Variants in CASC3 observed in about 807,000 individuals in gnomAD.
The protein encoded by CASC3 is CASC3 exon junction complex subunit, also known as protein CASC3.
A neutral mutation model predicts 80.5 loss-of-function variants in CASC3; 30 were observed. The ratio of observed to expected loss-of-function variants is 0.37; its 90% CI spans 0.28 to 0.51. CASC3 has a LOEUF of 0.51. Among genes scored for constraint, CASC3 ranks in the 20% least tolerant of loss-of-function variants. The pLI, the probability that CASC3 is intolerant of heterozygous loss-of-function variation, is 0.94. For missense variants in CASC3, 824 were observed against 922.2 expected, an observed-to-expected ratio of 0.89 and a Z score of 1.38; for synonymous variants, 312 against 333.6, an observed-to-expected ratio of 0.94 and a Z score of 0.70.
Position 40,169,316 on chromosome 17 carries a change from G to A in CASC3, c.1966-8G>A. On this transcript the variant is annotated splice_region_variant and splice_polypyrimidine_tract_variant and intron_variant, in intron 11 of 13. Coordinates refer to ENST00000264645, the MANE Select transcript of CASC3 (RefSeq NM_007359.5). Reference sequence around the variant, plus strand: ...AACTTTTTCTTCTCCTGGCTTGTGGGGTCCCAGGCCCCATCACAGGTATAT... The same window carrying A: ...AACTTTTTCTTCTCCTGGCTTGTGGAGTCCCAGGCCCCATCACAGGTATAT... 1 of 1,541,260 alleles carries A rather than the reference G, an allele frequency of 6.5e-7. No individual in the cohort carries two copies. Among genetic ancestry groups the A allele is most frequent in the Non-Finnish European group, 8.7e-7 (1 of 1,145,738 alleles).
chr17:40,141,397 C>T (rs1167609647), intron 2 of CASC3, 163 bp downstream of exon 2: 2 of 838,826 alleles, frequency 2.4e-6, no homozygotes, highest in Non-Finnish European at 3.9e-6. Context: ...GCAGTATAGT[C>T]TTCAGCAAGT....
rs114034875 is a variant in CASC3 at position 40,141,948 on chromosome 17, G to A, written c.297+341G>A. Among the ~76,000 whole-genome samples, 965 of 152,244 alleles carry A rather than the reference G, an allele frequency of 6.3e-3. 14 individuals carry two copies. The highest frequency in any genetic ancestry group is 0.022 in the African/African-American group (923 of 41,504). ...TGTAGGTTGAGAAGCCAGCCAATTG[G>A]TTATTTTTTTCCAAATCTATCTGAA... On this transcript the variant is annotated intron_variant, in intron 3 of 13. Coordinates refer to ENST00000264645, the MANE Select transcript of CASC3 (RefSeq NM_007359.5).
intron 3 of CASC3, among the ~76,000 whole-genome samples, chr17:40,159,609 A>G (rs1320317296): frequency 6.8e-6 from 1 of 147,828 alleles, no homozygotes; most frequent in East Asian, 2.0e-4. Context: ...GCAGTGGCAC[A>G]ATTATGGCTC....
At chr17:40,157,573 G>T (rs951337564) in intron 3 of CASC3, among the ~76,000 whole-genome samples, 1 of 152,040 alleles carries the variant, frequency 6.6e-6, no homozygotes. Flanking sequence ...TACTCAGGAG[G>T]CTGAGGCATA....
At chr17:40,169,741 G>GTTTTTTT (rs1989546815) in intron 13 of CASC3, 79 bp downstream of exon 13, 1 of 109,416 alleles carries the variant, frequency 9.1e-6, no homozygotes, top group African/African-American at 5.0e-5. Context: ...CTTAATTAAT[G>GTTTTTTT]CTTTTTTTTT....
Position 40,140,559 on chromosome 17 carries a change from G to A in CASC3, c.11G>A (p.Arg4Gln), listed in dbSNP as rs775311641. ...GCCGTTCTCCGTAAGATGGCGGACC[G>A]GCGGCGGCAGCGCGCTTCGCAAGAC... is the stretch of plus-strand genomic sequence containing the variant. Reference protein sequence around the residue: MADRRRQRASQDTE... With the variant: MADQRRQRASQDTE... Residue 4 changes from arginine to glutamine, a missense_variant, in exon 1 of 14, where the codon CGG (arginine) becomes CAG (glutamine). Transcript: ENST00000264645. The A allele has an allele frequency of 1.2e-6, 2 of 1,607,868 alleles. No individual in the cohort carries two copies. Among genetic ancestry groups the A allele is most frequent in the Non-Finnish European group, 8.5e-7 (1 of 1,179,624 alleles).
chr17:40,144,750 C>T (rs1315997442), intron 3 of CASC3, among the ~76,000 whole-genome samples: 3 of 145,810 alleles, frequency 2.1e-5, no homozygotes, highest in African/African-American at 7.7e-5. Flanking sequence ...GGTCACAGCT[C>T]ACTGCAACCT....
intron 3 of CASC3, among the ~76,000 whole-genome samples, chr17:40,158,878 A>G (rs1487391077): frequency 6.6e-6 from 1 of 152,172 alleles, no homozygotes; most frequent in Non-Finnish European, 1.5e-5. Context: ...TAGGCATTAA[A>G]AAAAGCTACC....
At chr17:40,141,655 T>A in intron 3 of CASC3, 48 bp downstream of exon 3, 1 of 1,412,252 alleles carries the variant, frequency 7.1e-7, no homozygotes, top group Non-Finnish European at 1.0e-6. Context: ...AAATGCTTTT[T>A]AAAAACGTGT....
In CASC3 at chr17:40,170,649, G is replaced by C; in HGVS notation, c.*244G>C. ...CTCTTCACTTGAGTTGGCTGTGTTCGGGGGAGCAGAGAGAGCCAGACAGCC... is the reference window on the plus strand; with the variant it reads ...CTCTTCACTTGAGTTGGCTGTGTTCCGGGGAGCAGAGAGAGCCAGACAGCC... On this transcript the variant is annotated 3_prime_UTR_variant, in exon 14 of 14. Transcript: ENST00000264645. 1 of 985,486 alleles carries C rather than the reference G, an allele frequency of 1.0e-6. No homozygotes were observed. Among genetic ancestry groups the C allele is most frequent in the Non-Finnish European group, 1.2e-6 (1 of 829,940 alleles). The allele number at this position is 985,486 out of a possible 1,614,324, so 61.0% of individuals were successfully genotyped here. A position where few individuals can be genotyped will look rare whatever the true frequency, so the allele number is the denominator to read the frequency against.
chr17:40,149,519 G>C (rs1988944593), intron 3 of CASC3, among the ~76,000 whole-genome samples: 1 of 151,934 alleles, frequency 6.6e-6, no homozygotes, highest in Non-Finnish European at 1.5e-5. Context: ...AAAAAGTTAG[G>C]AGAGTATCAA....
chr17:40,163,567 T>C lies in CASC3; in HGVS notation c.872T>C (p.Leu291Pro). ...CGCCACCAGGGTCTTGGGGGCACCC[T>C]ACCACCAAGGACATTTATTAACAGG... The part of the protein sequence containing the change: ...SHRHQGLGGT[L>P]PPRTFINRNA... The change falls in exon 7 of 14, where the codon CTA (leucine) becomes CCA (proline). Residue 291 changes from leucine to proline, a missense_variant. Around this residue, in one of 3 missense-constraint regions of CASC3, gnomAD observed 201 missense variants for 294.1 expected, o/e 0.68. Coordinates refer to ENST00000264645, the MANE Select transcript of CASC3 (RefSeq NM_007359.5). 1 of 1,614,118 alleles carries C rather than the reference T, an allele frequency of 6.2e-7. No homozygotes were observed. Among genetic ancestry groups the C allele is most frequent in the African/African-American group, 1.3e-5 (1 of 75,028 alleles).
At chr17:40,153,946 C>T (rs1314512061) in intron 3 of CASC3, among the ~76,000 whole-genome samples, 1 of 151,946 alleles carries the variant, frequency 6.6e-6, no homozygotes, top group African/African-American at 2.4e-5. Context: ...CTGTGGCACG[C>T]GCCTGTAATC....
intron 7 of CASC3, among the ~76,000 whole-genome samples, chr17:40,164,478 T>C (rs1025649075): frequency 7.9e-5 from 12 of 151,554 alleles, no homozygotes; most frequent in Non-Finnish European, 1.2e-4. Context: ...AGATGGAGTC[T>C]TGCTCTGTTG....
intron 3 of CASC3, among the ~76,000 whole-genome samples, chr17:40,151,863 T>C (rs929614997): frequency 3.3e-5 from 5 of 152,230 alleles, no homozygotes; most frequent in African/African-American, 1.2e-4. Flanking sequence ...TCTTTCAGTA[T>C]AATGTTTTCA....
chr17:40,158,998 G>A (rs1322779741), intron 3 of CASC3, among the ~76,000 whole-genome samples: 1 of 152,172 alleles, frequency 6.6e-6, no homozygotes, highest in Admixed American at 6.6e-5. Context: ...CACTTTGGGA[G>A]GCTGAGGCAG....
chr17:40,170,670 C>G lies in CASC3; in HGVS notation c.*265C>G. ...GTTCGGGGGAGCAGAGAGAGCCAGA[C>G]AGCCCCAAGCTTCTGAGTCTAGATA... On this transcript the variant is annotated 3_prime_UTR_variant, in exon 14 of 14. Transcript: ENST00000264645. 1.0e-6 allele frequency: 1 copy of G among 985,578 alleles called. No individual in the cohort carries two copies. Among genetic ancestry groups the G allele is most frequent in the Non-Finnish European group, 1.2e-6 (1 of 829,936 alleles). 61.1% of individuals were successfully genotyped at this position (985,578 alleles called of 1,614,324 possible).
intron 3 of CASC3, among the ~76,000 whole-genome samples, chr17:40,143,903 C>T (rs889024866): frequency 1.9e-4 from 29 of 152,038 alleles, no homozygotes; most frequent in African/African-American, 6.5e-4. Flanking sequence ...ATGCTTGAGG[C>T]GATCCATACC....
intron 7 of CASC3, among the ~76,000 whole-genome samples, chr17:40,165,166 G>A (rs974720375): frequency 4.0e-5 from 6 of 150,812 alleles, no homozygotes; most frequent in Admixed American, 1.3e-4. Context: ...CTCGTGATCC[G>A]CCCACCTTGG....
Sources: allele counts gnomAD v4.1 joint callset (sites outside exome capture counted in the v4.1 genomes callset), GRCh38; gene constraint gnomAD v4.1.1; regional missense constraint gnomAD v4.1.1; transcripts MANE v1.5; gene names NCBI Gene and HGNC (gene_info 2026-07-23, HGNC 2026-07-21).